LARP1: variants seen among roughly 807,000 people sequenced by gnomAD.
The protein encoded by LARP1 is La ribonucleoprotein 1, translational regulator.
Under a neutral mutation model 122.7 loss-of-function variants are expected in LARP1, and 36 were observed. The observed-to-expected ratio is 0.29, with a 90% CI of 0.22 to 0.39. The LOEUF (loss-of-function observed/expected upper bound fraction) is 0.39. Ranked by LOEUF, LARP1 falls within the 10% of genes least tolerant of loss-of-function variation. The pLI is 1.00. For synonymous variants in LARP1, 539 were observed against 528.7 expected, an observed-to-expected ratio of 1.02 and a Z score of -0.27; for missense variants, 1,040 against 1,403.6, an observed-to-expected ratio of 0.74 and a Z score of 4.14.
intron 1 of LARP1, among the ~76,000 whole-genome samples, chr5:154,785,084 G>A (rs952161238): frequency 2.6e-5 from 4 of 152,176 alleles, no homozygotes; most frequent in African/African-American, 9.7e-5. Context: ...CACCCCTGGG[G>A]GACCTGTGAT....
At chr5:154,731,916 G>C (rs1470126584) in intron 1 of LARP1, among the ~76,000 whole-genome samples, 1 of 152,004 alleles carries the variant, frequency 6.6e-6, no homozygotes, top group African/African-American at 2.4e-5. Flanking sequence ...CAGCTACTCG[G>C]GAGGCTGAGG....
chr5:154,728,837 C>G (rs1756385022), intron 1 of LARP1, among the ~76,000 whole-genome samples: 1 of 152,136 alleles, frequency 6.6e-6, no homozygotes, highest in African/African-American at 2.4e-5. Context: ...GGGCTGAGAT[C>G]TAGATCTTTT....
At chr5:154,801,293 A>T (rs1758335275) in intron 10 of LARP1, among the ~76,000 whole-genome samples, 1 of 152,132 alleles carries the variant, frequency 6.6e-6, no homozygotes. Flanking sequence ...ACTTATGTTC[A>T]TCCTGTGGTA....
intron 1 of LARP1, among the ~76,000 whole-genome samples, chr5:154,707,034 CT>C (rs2113274368): frequency 1.3e-5 from 2 of 152,248 alleles, no homozygotes; most frequent in South Asian, 4.1e-4. Flanking sequence ...TAAAAAAATG[CT>C]TTTGTCTGTC....
At position 154,814,238 on chromosome 5, in the gene LARP1, T is replaced by A; in HGVS notation, c.*142T>A. On this transcript the variant is annotated 3_prime_UTR_variant, in exon 19 of 19. Transcript: ENST00000518297. ...CAGGCCTTTGTGCTGAGTAGCAATG[T>A]ATACACCATTTGGGCTATCAGAGGT... 2 of 797,936 alleles carry A rather than the reference T, an allele frequency of 2.5e-6. No homozygotes were observed. The highest frequency in any genetic ancestry group is 4.0e-6 in the Non-Finnish European group (2 of 496,106). 49.4% of individuals were successfully genotyped at this position (797,936 alleles called of 1,614,324 possible).
At chr5:154,766,357 C>T (rs1431533512) in intron 1 of LARP1, among the ~76,000 whole-genome samples, 1 of 152,212 alleles carries the variant, frequency 6.6e-6, no homozygotes, top group Non-Finnish European at 1.5e-5. Flanking sequence ...CCATTTGATC[C>T]TTTAGGGCAA....
intron 1 of LARP1, among the ~76,000 whole-genome samples, chr5:154,701,549 G>T (rs1754712448): frequency 6.6e-6 from 1 of 151,960 alleles, no homozygotes; most frequent in African/African-American, 2.4e-5. Flanking sequence ...GCCAGGAATA[G>T]ATATGTGACT....
chr5:154,783,819 C>T (rs1223105906), intron 1 of LARP1, among the ~76,000 whole-genome samples: 4 of 152,134 alleles, frequency 2.6e-5, no homozygotes, highest in Non-Finnish European at 4.4e-5. Flanking sequence ...GCTAGCATTT[C>T]TTGTGCTTTG....
At chr5:154,739,483 A>G (rs1022022852) in intron 1 of LARP1, among the ~76,000 whole-genome samples, 1 of 152,174 alleles carries the variant, frequency 6.6e-6, no homozygotes, top group African/African-American at 2.4e-5. Flanking sequence ...AATTCCTCAC[A>G]TTTATGTAGT....
At chr5:154,711,793 G>A (rs1354340683), upstream of LARP1, among the ~76,000 whole-genome samples, 1 of 152,130 alleles carries the variant, frequency 6.6e-6, no homozygotes, top group Non-Finnish European at 1.5e-5. Context: ...TTCTCCAAAC[G>A]TACCTGCTTC....
rs750882335 is a variant in LARP1 at position 154,803,581 on chromosome 5, G to T, written c.2275G>T (p.Glu759Ter). Reference sequence around the variant, plus strand: ...GGCCAACAAGTTGTTTGGTGCTCCTGAGCCCTCCACCATCGCCCGCTCTCT... The same window carrying T: ...GGCCAACAAGTTGTTTGGTGCTCCTTAGCCCTCCACCATCGCCCGCTCTCT... The part of the protein sequence containing the change: ...ALANKLFGAP[E>*]PSTIARSLPT... The change falls in exon 13 of 19, where the codon GAG (glutamate) becomes TAG (stop). Residue 759 changes from glutamate (E) to a stop codon, truncating the protein, a stop_gained. Transcript: ENST00000518297. LOFTEE classifies it high-confidence loss of function. The surrounding 1 kb of genome is among the most constrained non-coding windows in gnomAD (Gnocchi z 4.4). 6.2e-7 allele frequency: 1 copy of T among 1,614,140 alleles called. No individual in the cohort carries two copies. Among genetic ancestry groups the T allele is most frequent in the Non-Finnish European group, 8.5e-7 (1 of 1,180,030 alleles).
intron 3 of LARP1, 68 bp downstream of exon 3, chr5:154,790,778 T>G (rs1757275693): frequency 7.5e-7 from 1 of 1,331,420 alleles, no homozygotes; most frequent in Non-Finnish European, 1.1e-6. Flanking sequence ...CTCCTCAAGC[T>G]TCCAGAGAGC....
At chr5:154,754,575 G>A (rs1298972833), upstream of LARP1, among the ~76,000 whole-genome samples, 1 of 152,238 alleles carries the variant, frequency 6.6e-6, no homozygotes, top group Non-Finnish European at 1.5e-5. Context: ...ATAAATACAA[G>A]GTTTCGCGGC....
rs550341373 is a variant in LARP1 at position 154,816,062 on chromosome 5, A to G, written c.*1966A>G. 3 of 152,610 alleles carry G rather than the reference A, an allele frequency of 2.0e-5. No homozygotes were observed. The East Asian group carries it at 5.8e-4, about 29-fold the overall frequency. The allele number at this position is 152,610 out of a possible 1,614,324, so 9.5% of individuals were successfully genotyped here. A position where few individuals can be genotyped will look rare whatever the true frequency, so the allele number is the denominator to read the frequency against. On this transcript the variant is annotated 3_prime_UTR_variant, in exon 19 of 19. Coordinates refer to ENST00000518297, the MANE Select transcript of LARP1 (RefSeq NM_033551.3). ...GCCCTTTACCTTGGGCACCTTGTTAATTTTTAGCCTGTGCCCTTCCCCACC... is the reference window on the plus strand; with the variant it reads ...GCCCTTTACCTTGGGCACCTTGTTAGTTTTTAGCCTGTGCCCTTCCCCACC...
intron 1 of LARP1, among the ~76,000 whole-genome samples, chr5:154,689,145 C>T (rs935853035): frequency 4.0e-5 from 6 of 151,788 alleles, no homozygotes; most frequent in African/African-American, 1.2e-4. Context: ...ATGGCAAAAC[C>T]CCATGTCTAC....
chr5:154,795,387 C>T, intron 8 of LARP1, 68 bp downstream of exon 8: 1 of 1,530,662 alleles, frequency 6.5e-7, no homozygotes, highest in Non-Finnish European at 8.9e-7. Flanking sequence ...GAGTTTGGGC[C>T]AAGGCAGAAA....
intron 1 of LARP1, among the ~76,000 whole-genome samples, chr5:154,758,067 A>G (rs1754143571): frequency 6.6e-6 from 1 of 151,716 alleles, no homozygotes; most frequent in Admixed American, 6.6e-5. Flanking sequence ...GGGTATAATC[A>G]TCCCCGGGAG....
intron 1 of LARP1, among the ~76,000 whole-genome samples, chr5:154,749,717 G>A (rs1052036502): frequency 6.6e-6 from 1 of 152,130 alleles, no homozygotes; most frequent in Non-Finnish European, 1.5e-5. Context: ...CACTCACTTT[G>A]TGTCAGTATA....
upstream of LARP1, among the ~76,000 whole-genome samples, chr5:154,755,342 T>C (rs1320574052): frequency 6.8e-6 from 1 of 148,092 alleles, no homozygotes; most frequent in Admixed American, 6.7e-5. Context: ...GCGGATCGCG[T>C]GGTCTGCTTG....
Sources: gnomAD v4.1 joint callset for allele counts (sites outside exome capture counted in the v4.1 genomes callset) on GRCh38, gnomAD v4.1.1 for gene constraint, Gnocchi (gnomAD v3.1) non-coding constraint, MANE v1.5 for transcripts, NCBI Gene and HGNC (gene_info 2026-07-23, HGNC 2026-07-21) for gene names.